MEX3B: variants seen among roughly 807,000 people sequenced by gnomAD.
MEX3B encodes the protein RNA-binding protein MEX3B.
In MEX3B, 10 loss-of-function variants were observed where a neutral mutation model predicts 12.2. The ratio of observed to expected loss-of-function variants is 0.82; its 90% CI spans 0.51 to 1.40. The LOEUF (loss-of-function observed/expected upper bound fraction) is 1.40. Ranked by LOEUF, MEX3B falls within the 40% of genes most tolerant of loss-of-function variation. MEX3B has a pLI of 0.00. For missense variants in MEX3B, 839 were observed against 801.4 expected, an observed-to-expected ratio of 1.05 and a Z score of -0.57; for synonymous variants, 498 against 356.3, an observed-to-expected ratio of 1.40 and a Z score of -4.48.
Position 82,042,104 on chromosome 15 carries a change from G to T in MEX3B, c.*1056C>A, listed in dbSNP as rs1443221577. 6.6e-6 allele frequency: 1 copy of T among 152,606 alleles called. No homozygotes were observed. The highest frequency in any genetic ancestry group is 1.5e-5 in the Non-Finnish European group (1 of 68,014). The allele number at this position is 152,606 out of a possible 1,614,324, so 9.5% of individuals were successfully genotyped here. On this transcript the variant is annotated 3_prime_UTR_variant, in exon 2 of 2. Coordinates refer to ENST00000329713, the MANE Select transcript of MEX3B (RefSeq NM_032246.6). ...ATACTAAAACTAGAGTGGTGCAACA[G>T]AATTTTTGTAACTTGCACTGAATTC...
At position 82,045,795 on chromosome 15, in the gene MEX3B, G is replaced by C. The variant is rs1479068795; in HGVS notation, c.-90C>G. 1.6e-6 allele frequency: 2 copies of C among 1,285,046 alleles called. No homozygotes were observed. Among genetic ancestry groups the C allele is most frequent in the African/African-American group, 3.1e-5 (2 of 63,768 alleles). 79.6% of individuals were successfully genotyped at this position (1,285,046 alleles called of 1,614,324 possible). The stretch of plus-strand genomic sequence containing the variant: ...AAGGCAGCCGGGAAGCGGGTGGTCA[G>C]GGGCGGGGAGGCCGGTCGCCTGCTG... On this transcript the variant is annotated 5_prime_UTR_variant, in exon 1 of 2. Coordinates refer to ENST00000329713, the MANE Select transcript of MEX3B (RefSeq NM_032246.6).
chr15:82,043,916 G>A lies in MEX3B; in HGVS notation c.954C>T (p.Tyr318=), dbSNP rs1350673422. Residue 318 remains tyrosine, a synonymous_variant, in exon 2 of 2, where the codon TAC becomes TAT. Transcript: ENST00000329713. The stretch of plus-strand genomic sequence containing the variant: ...AGCTCAGGGCGGGGCTAGGGGGGCT[G>A]TAGTCCGCCAGGCGCTGGGTAGCCG... The part of the protein sequence containing the change: ...SAAATQRLAD[Y]SPPSPALSFA... 2 of 1,599,364 alleles carry A rather than the reference G, an allele frequency of 1.3e-6. No individual in the cohort carries two copies. The highest frequency in any genetic ancestry group is 1.3e-5 in the African/African-American group (1 of 74,756).
Position 82,044,576 on chromosome 15 carries a change from A to C in MEX3B, c.294T>G (p.Thr98=). 6.2e-7 allele frequency: 1 copy of C among 1,614,170 alleles called. No individual in the cohort carries two copies. The highest frequency in any genetic ancestry group is 1.1e-5 in the South Asian group (1 of 91,090). ...CCCCGCGAACTGGGGTCTTGATGTA[A>C]GTATTGGTCTTCGCCCGCAGCGCTT... ...KIKALRAKTN[T]YIKTPVRGEE... Residue 98 remains threonine, a synonymous_variant, in exon 2 of 2, where the codon ACT becomes ACG. Transcript: ENST00000329713. The surrounding 1 kb of genome is among the most constrained non-coding windows in gnomAD (Gnocchi z 5.3).
chr15:82,045,159 G>A (rs986828619), intron 1 of MEX3B: 2 of 612,068 alleles, frequency 3.3e-6, no homozygotes, highest in South Asian at 3.8e-5. Flanking sequence ...CCTCCCCCAA[G>A]CATCTTACAT....
At position 82,042,188 on chromosome 15, in the gene MEX3B, G is replaced by A. The variant is rs368742672; in HGVS notation, c.*972C>T. The A allele has an allele frequency of 6.6e-6, 1 of 152,510 alleles. No homozygotes were observed. Among genetic ancestry groups the A allele is most frequent in the Non-Finnish European group, 1.5e-5 (1 of 68,010 alleles). 9.4% of individuals were successfully genotyped at this position (152,510 alleles called of 1,614,324 possible). On this transcript the variant is annotated 3_prime_UTR_variant, in exon 2 of 2. Transcript: ENST00000329713. ...CTTTTTGACATGTTTATACATTTCC[G>A]TTTTTGTAATAATATAGAATAAAAT... is the stretch of plus-strand genomic sequence containing the variant.
Position 82,043,031 on chromosome 15 carries a change from T to G in MEX3B, c.*129A>C. 1.5e-5 allele frequency: 10 copies of G among 668,778 alleles called. No homozygotes were observed. Among genetic ancestry groups the G allele is most frequent in the Non-Finnish European group, 1.8e-5 (8 of 456,818 alleles). The allele number at this position is 668,778 out of a possible 1,614,324, so 41.4% of individuals were successfully genotyped here. ...TCCAAGCTCCTCTCGGATCTCAGAGTGTTGGTGGGGCCGGGAAGGAGAAGG... is the reference window on the plus strand; with the variant it reads ...TCCAAGCTCCTCTCGGATCTCAGAGGGTTGGTGGGGCCGGGAAGGAGAAGG... On this transcript the variant is annotated 3_prime_UTR_variant, in exon 2 of 2. Transcript: ENST00000329713.
chr15:82,043,832 T>A lies in MEX3B; in HGVS notation c.1038A>T (p.Gly346=). 1 of 1,590,782 alleles carries A rather than the reference T, an allele frequency of 6.3e-7. No homozygotes were observed. Among genetic ancestry groups the A allele is most frequent in the Non-Finnish European group, 8.6e-7 (1 of 1,169,218 alleles). ...CGTCGGGGGATGGCACTGAGGCTTCTCCCCCCGCTGTGTAGGTGTACCCAT... is the reference window on the plus strand; with the variant it reads ...CGTCGGGGGATGGCACTGAGGCTTCACCCCCCGCTGTGTAGGTGTACCCAT... The part of the protein sequence containing the change: ...NGNGYTYTAG[G]EASVPSPDGC... Residue 346 remains glycine (G), a synonymous_variant, in exon 2 of 2, where the codon GGA becomes GGT. Transcript: ENST00000329713.
rs117387338 is a variant in MEX3B, at chr15:82,045,816, T to C, written c.-111A>G. ...GTCAGGGGCGGGGAGGCCGGTCGCC[T>C]GCTGAGGGCTCCGTTGCTTCTTCCT... On this transcript the variant is annotated 5_prime_UTR_variant, in exon 1 of 2. Coordinates refer to ENST00000329713, the MANE Select transcript of MEX3B (RefSeq NM_032246.6). The C allele has an allele frequency of 3.5e-3, 4,131 of 1,174,870 alleles. 81 individuals are homozygous for C. In the East Asian group the frequency reaches 0.04, roughly 11 times the overall value. The allele number at this position is 1,174,870 out of a possible 1,614,324, so 72.8% of individuals were successfully genotyped here.
At chr15:82,045,107 ACTC>A (rs1470103163) in intron 1 of MEX3B, 11 of 595,670 alleles carry the variant, frequency 1.8e-5, no homozygotes, top group East Asian at 5.6e-5. Flanking sequence ...TCCTATGCTC[ACTC>A]CTCCTCCTTC....
In MEX3B at chr15:82,045,679, C is replaced by T; in HGVS notation, c.27G>A (p.Leu9=). 5.2e-6 allele frequency: 8 copies of T among 1,542,000 alleles called. No homozygotes were observed. The highest frequency in any genetic ancestry group is 7.0e-6 in the Non-Finnish European group (8 of 1,149,080). ...CGCCGCCGCCGCTGCCGTTGCGCTC[C>T]AGGTCTGCGAACAGCGAGCTGGGCA... is the stretch of plus-strand genomic sequence containing the variant. MPSSLFAD[L]ERNGSGGGGG... is the part of the protein sequence containing the mutation. The change falls in exon 1 of 2, where the codon CTG becomes CTA. Residue 9 remains leucine, a synonymous_variant. Transcript: ENST00000329713.
Position 82,042,987 on chromosome 15 carries a change from TGAG to T in MEX3B, c.*170_*172del. ...TTACTTAAAAATTAAATTTTAAAAA[TGAG>T]CGGATACTACAGCTTTCCAAGCTCC... On this transcript the variant is annotated 3_prime_UTR_variant, in exon 2 of 2. Transcript: ENST00000329713. 2.1e-6 allele frequency: 1 copy of T among 471,838 alleles called. No individual in the cohort carries two copies. The highest frequency in any genetic ancestry group is 3.5e-6 in the Non-Finnish European group (1 of 286,616). 29.2% of individuals were successfully genotyped at this position (471,838 alleles called of 1,614,324 possible).
Position 82,045,432 on chromosome 15 carries a change from C to CA in MEX3B, c.256+17dup. 2 of 1,596,526 alleles carry CA rather than the reference C, an allele frequency of 1.3e-6. No homozygotes were observed. The highest frequency in any genetic ancestry group is 1.7e-6 in the Non-Finnish European group (2 of 1,170,952). ...CCTACACCACCCCCACCCACCTCCCCATCCCTCCTCGACCTACCTTGCCGC... is the reference window on the plus strand; with the variant it reads ...CCTACACCACCCCCACCCACCTCCCCAATCCCTCCTCGACCTACCTTGCCGC... On this transcript the variant is annotated intron_variant, in intron 1 of 1. Coordinates refer to ENST00000329713, the MANE Select transcript of MEX3B (RefSeq NM_032246.6).
At chr15:82,045,266 C>T (rs914169201) in intron 1 of MEX3B, 184 bp downstream of exon 1, 29 of 765,264 alleles carry the variant, frequency 3.8e-5, no homozygotes, top group Admixed American at 3.5e-4. Context: ...GGCAGCGGCG[C>T]GGCTCCGGGA....
At chr15:82,045,421 A>AC in intron 1 of MEX3B, 29 bp downstream of exon 1, 38 of 697,224 alleles carry the variant, frequency 5.5e-5, no homozygotes, top group Non-Finnish European at 7.6e-5. Flanking sequence ...CACCACCCCC[A>AC]CCCACCTCCC....
Position 82,042,171 on chromosome 15 carries a change from CAT to C in MEX3B, c.*987_*988del, listed in dbSNP as rs1018448078. The C allele has an allele frequency of 2.0e-5, 3 of 152,536 alleles. No individual in the cohort carries two copies. The highest frequency in any genetic ancestry group is 6.5e-5 in the Admixed American group (1 of 15,276). 9.4% of individuals were successfully genotyped at this position (152,536 alleles called of 1,614,324 possible). The stretch of plus-strand genomic sequence containing the variant: ...AGAAAGCATCAACAGTTCTTTTTGA[CAT>C]GTTTATACATTTCCGTTTTTGTAAT... On this transcript the variant is annotated 3_prime_UTR_variant, in exon 2 of 2. Transcript: ENST00000329713.
chr15:82,042,877 T>A lies in MEX3B; in HGVS notation c.*283A>T, dbSNP rs2073228405. On this transcript the variant is annotated 3_prime_UTR_variant, in exon 2 of 2. Transcript: ENST00000329713. ...ACTATCATTACTAGAATGTCGCCGT[T>A]CCTATTATTTATAGAGCATGCATTT... The A allele has an allele frequency of 3.3e-6, 1 of 305,220 alleles. No homozygotes were observed. Among genetic ancestry groups the A allele is most frequent in the East Asian group, 5.3e-5 (1 of 18,934 alleles). 18.9% of individuals were successfully genotyped at this position (305,220 alleles called of 1,614,324 possible).
In MEX3B at chr15:82,043,367, G is replaced by GGAGGAGGAGCTGGACGAA; in HGVS notation, c.1485_1502dup (p.Ser503_Ser508dup). 1 of 1,590,746 alleles carries GGAGGAGGAGCTGGACGAA rather than the reference G, an allele frequency of 6.3e-7. No homozygotes were observed. The highest frequency in any genetic ancestry group is 8.6e-7 in the Non-Finnish European group (1 of 1,168,454). On this transcript the variant is annotated inframe_insertion, in exon 2 of 2. Coordinates refer to ENST00000329713, the MANE Select transcript of MEX3B (RefSeq NM_032246.6). ...GCCCGGAGGAAGAGGATGAAGAGCT[G>GGAGGAGGAGCTGGACGAA]GAGGAGGAGCTGGACGAAGAGGAGG... is the stretch of plus-strand genomic sequence containing the variant.
chr15:82,044,567 C>T lies in MEX3B; in HGVS notation c.303G>A (p.Lys101=). 3 of 1,614,182 alleles carry T rather than the reference C, an allele frequency of 1.9e-6. No homozygotes were observed. Among genetic ancestry groups the T allele is most frequent in the African/African-American group, 2.7e-5 (2 of 75,070 alleles). Residue 101 remains lysine, a synonymous_variant, in exon 2 of 2, where the codon AAG becomes AAA. Coordinates refer to ENST00000329713, the MANE Select transcript of MEX3B (RefSeq NM_032246.6). This position sits in a 1 kb window ranked among gnomAD's most constrained non-coding sequence, Gnocchi z 5.3. ...ALRAKTNTYI[K]TPVRGEEPVF... The stretch of plus-strand genomic sequence containing the variant: ...CAGGCTCCTCCCCGCGAACTGGGGT[C>T]TTGATGTAAGTATTGGTCTTCGCCC...
chr15:82,045,666 T>A lies in MEX3B; in HGVS notation c.40A>T (p.Ser14Cys). 1 of 1,554,092 alleles carries A rather than the reference T, an allele frequency of 6.4e-7. No individual in the cohort carries two copies. Among genetic ancestry groups the A allele is most frequent in the Middle Eastern group, 1.7e-4 (1 of 5,758 alleles). ...SLFADLERNG[S>C]GGGGGGSSGG... ...CTGCTGCCGCCGCCGCCGCCGCCGC[T>A]GCCGTTGCGCTCCAGGTCTGCGAAC... Residue 14 changes from serine (S) to cysteine (C), a missense_variant, in exon 1 of 2, where the codon AGC becomes TGC. Around this residue, in one of 3 missense-constraint regions of MEX3B, gnomAD observed 214 missense variants for 223.8 expected, o/e 0.96. Transcript: ENST00000329713.
Sources: allele counts gnomAD v4.1 joint callset, GRCh38; gene constraint gnomAD v4.1.1; regional missense constraint gnomAD v4.1.1; non-coding constraint Gnocchi (gnomAD v3.1); transcripts MANE v1.5; gene names NCBI Gene and HGNC (gene_info 2026-07-23, HGNC 2026-07-21).